The following CARMIL1 variants were observed in gnomAD, a reference collection of about 807,000 sequenced individuals.
The protein encoded by CARMIL1 is F-actin-uncapping protein LRRC16A.
In CARMIL1, 90 loss-of-function variants were observed where a neutral mutation model predicts 177.1. That is an observed-to-expected ratio of 0.51 (90% CI 0.43 to 0.61). The LOEUF is 0.61. Ranked by LOEUF, CARMIL1 falls within the 20% of genes least tolerant of loss-of-function variation. CARMIL1 has a pLI of 0.00. For synonymous variants in CARMIL1, 577 were observed against 606.2 expected (o/e 0.95, Z 0.71); for missense variants, 1,380 against 1,667.0 (o/e 0.83, Z 3.00).
intron 27 of CARMIL1, among the ~76,000 whole-genome samples, chr6:25,553,079 GA>G (rs1810267780): frequency 6.6e-6 from 1 of 152,090 alleles, no homozygotes; most frequent in Non-Finnish European, 1.5e-5. Context: ...CTTCTATTCA[GA>G]AATCTCCCCA....
chr6:25,409,213 G>A (rs951500504), intron 2 of CARMIL1, among the ~76,000 whole-genome samples: 4 of 152,118 alleles, frequency 2.6e-5, no homozygotes, highest in Non-Finnish European at 5.9e-5. Flanking sequence ...GATGTGTTAC[G>A]AATAAGGCTG....
chr6:25,537,921 G>C lies in CARMIL1; in HGVS notation c.2134G>C (p.Ala712Pro). The C allele has an allele frequency of 6.2e-7, 1 of 1,607,068 alleles. No individual in the cohort carries two copies. The highest frequency in any genetic ancestry group is 8.5e-7 in the Non-Finnish European group (1 of 1,176,766). Residue 712 changes from alanine to proline, a missense_variant, in exon 25 of 37, where the codon GCT becomes CCT. Physicochemically the swap from Ala to Pro is conservative, Grantham distance 27. Coordinates refer to ENST00000329474, the MANE Select transcript of CARMIL1 (RefSeq NM_017640.6). ...CTCCTTACGAAATTGTGGGGGAGAC[G>C]CTATCCAGGAAGATTTAAAATCAGC... is the stretch of plus-strand genomic sequence containing the variant. ...LNSLRNCGGDAIQEDLKSAER... is the reference protein window; with the variant it reads ...LNSLRNCGGDPIQEDLKSAER...
chr6:25,619,682 G>A lies in CARMIL1; in HGVS notation c.*99G>A, dbSNP rs1038720292. The A allele has an allele frequency of 2.7e-4, 345 of 1,258,800 alleles. No individual in the cohort carries two copies. Among genetic ancestry groups the A allele is most frequent in the Non-Finnish European group, 3.5e-4 (331 of 942,206 alleles). The allele number at this position is 1,258,800 out of a possible 1,614,324, so 78.0% of individuals were successfully genotyped here. On this transcript the variant is annotated 3_prime_UTR_variant, in exon 37 of 37. Coordinates refer to ENST00000329474, the MANE Select transcript of CARMIL1 (RefSeq NM_017640.6). ...TTTCTTCCCAGGCGTTCTTCTCTGGGTGCTTTATTCTCTTCTTTTTCTTTA... is the reference window on the plus strand; with the variant it reads ...TTTCTTCCCAGGCGTTCTTCTCTGGATGCTTTATTCTCTTCTTTTTCTTTA...
rs1554221085 is a variant in CARMIL1, at chr6:25,544,645, A to ACC, written c.2328+4570_2328+4571dup. Among the ~76,000 whole-genome samples the ACC allele has an allele frequency of 8.3e-3, 1,161 of 139,090 alleles. 17 individuals are homozygous for ACC. The highest frequency in any genetic ancestry group is 9.7e-3 in the Non-Finnish European group (611 of 63,274). 91.2% of individuals were successfully genotyped at this position (139,090 alleles called of 152,430 possible). A position where few individuals can be genotyped will look rare whatever the true frequency, so the allele number is the denominator to read the frequency against. On this transcript the variant is annotated intron_variant, in intron 26 of 36. Transcript: ENST00000329474. ...CACACACACACACACACACACACAC[A>ACC]CCCCAAACACTAAAGGATATACTTT...
At chr6:25,319,165 A>G (rs1417175856) in intron 2 of CARMIL1, among the ~76,000 whole-genome samples, 1 of 152,212 alleles carries the variant, frequency 6.6e-6, no homozygotes, top group African/African-American at 2.4e-5. Context: ...CTTAGCTTAC[A>G]TGTCGAGTAA....
chr6:25,522,970 A>G (rs557204047), intron 23 of CARMIL1, among the ~76,000 whole-genome samples: 2 of 152,104 alleles, frequency 1.3e-5, no homozygotes, highest in Non-Finnish European at 2.9e-5. Context: ...GCTAATTTTT[A>G]AAAATTTTTA....
intron 3 of CARMIL1, among the ~76,000 whole-genome samples, chr6:25,422,465 C>CT (rs570632469): frequency 1.5e-4 from 22 of 149,066 alleles, no homozygotes; most frequent in African/African-American, 3.2e-4. Flanking sequence ...TGTGGCCTTT[C>CT]TTTTTTTTTT....
chr6:25,610,886 G>A (rs1031478907), intron 36 of CARMIL1, among the ~76,000 whole-genome samples: 3 of 152,174 alleles, frequency 2.0e-5, no homozygotes, highest in African/African-American at 7.2e-5. Flanking sequence ...TTGGGGTTCT[G>A]TCCTATGTAA....
chr6:25,387,114 C>CAAA lies in CARMIL1; in HGVS notation c.139-32983_139-32981dup, dbSNP rs377548646. On this transcript the variant is annotated intron_variant, in intron 2 of 36. Transcript: ENST00000329474. The stretch of plus-strand genomic sequence containing the variant: ...GGGTGACAGAGTGAGACTCTGTCTC[C>CAAA]AAAAAAAAAAAAAAAAAAATCACAA... Among the ~76,000 whole-genome samples the CAAA allele has an allele frequency of 1.7e-3, 177 of 101,896 alleles. 2 individuals are homozygous for CAAA. Among genetic ancestry groups the CAAA allele is most frequent in the East Asian group, 3.2e-3 (10 of 3,110 alleles). The allele number at this position is 101,896 out of a possible 152,430, so 66.8% of individuals were successfully genotyped here. A position where few individuals can be genotyped will look rare whatever the true frequency, so the allele number is the denominator to read the frequency against.
intron 36 of CARMIL1, among the ~76,000 whole-genome samples, chr6:25,614,644 A>G (rs989760825): frequency 6.6e-6 from 1 of 152,196 alleles, no homozygotes; most frequent in Non-Finnish European, 1.5e-5. Context: ...CATTTGAACT[A>G]TTGTTTTCAT....
At chr6:25,448,478 C>T (rs541737193) in intron 5 of CARMIL1, among the ~76,000 whole-genome samples, 1 of 152,274 alleles carries the variant, frequency 6.6e-6, no homozygotes, top group South Asian at 2.1e-4. Flanking sequence ...GCTCACACCT[C>T]CTCTCACCAT....
chr6:25,290,609 CCTT>C (rs767095963), intron 2 of CARMIL1, among the ~76,000 whole-genome samples: 108 of 152,028 alleles, frequency 7.1e-4, no homozygotes, highest in Non-Finnish European at 1.4e-3. Flanking sequence ...TTTGCCAACC[CCTT>C]CTTCTTCCAC....
intron 2 of CARMIL1, among the ~76,000 whole-genome samples, chr6:25,341,744 CAG>C (rs1786970009): frequency 6.6e-6 from 1 of 152,182 alleles, no homozygotes; most frequent in Non-Finnish European, 1.5e-5. Flanking sequence ...ACAGAAAACT[CAG>C]AATGTCAAAA....
At chr6:25,410,620 C>T (rs1794819731) in intron 2 of CARMIL1, among the ~76,000 whole-genome samples, 1 of 152,102 alleles carries the variant, frequency 6.6e-6, no homozygotes, top group Non-Finnish European at 1.5e-5. Flanking sequence ...CTTTTGCGCC[C>T]TAGGCTTTGA....
intron 17 of CARMIL1, among the ~76,000 whole-genome samples, 167 bp downstream of exon 17, chr6:25,500,402 A>G (rs1804194355): frequency 6.6e-6 from 1 of 152,256 alleles, no homozygotes; most frequent in African/African-American, 2.4e-5. Flanking sequence ...ATCTACAGAC[A>G]GCCACAGAAC....
intron 2 of CARMIL1, among the ~76,000 whole-genome samples, chr6:25,404,078 C>T (rs1251592615): frequency 1.3e-5 from 2 of 152,160 alleles, no homozygotes; most frequent in African/African-American, 4.8e-5. Context: ...AAGACACATC[C>T]TCTGGTGTAA....
At chr6:25,319,534 G>A (rs934622466) in intron 2 of CARMIL1, among the ~76,000 whole-genome samples, 1 of 152,034 alleles carries the variant, frequency 6.6e-6, no homozygotes, top group Non-Finnish European at 1.5e-5. Context: ...CTTTTCAGTA[G>A]GGGAGGGCAG....
intron 11 of CARMIL1, among the ~76,000 whole-genome samples, chr6:25,475,087 CA>C (rs1203437714): frequency 6.6e-6 from 1 of 152,208 alleles, no homozygotes; most frequent in African/African-American, 2.4e-5. Context: ...CAGCCACATG[CA>C]AAACATGTTA....
At chr6:25,280,184 G>C (rs796802885) in intron 1 of CARMIL1, among the ~76,000 whole-genome samples, 4 of 152,262 alleles carry the variant, frequency 2.6e-5, no homozygotes, top group African/African-American at 9.6e-5. Context: ...TTCTGCAAGC[G>C]AGGGGAGCCC....
Sources: gnomAD v4.1 joint callset for allele counts (sites outside exome capture counted in the v4.1 genomes callset) on GRCh38, gnomAD v4.1.1 for gene constraint, MANE v1.5 for transcripts, NCBI Gene and HGNC (gene_info 2026-07-23, HGNC 2026-07-21) for gene names.